Variants in CNTN4 observed in about 807,000 individuals in gnomAD.
The protein encoded by CNTN4 is contactin-4.
A neutral mutation model predicts 122.5 loss-of-function variants in CNTN4; 77 were observed. The ratio of observed to expected loss-of-function variants is 0.63; its 90% CI spans 0.52 to 0.76. The LOEUF is 0.76. CNTN4 is among the 30% of genes least tolerant of loss of function. The pLI is 0.00. For missense variants in CNTN4, 1,256 were observed against 1,259.1 expected, an observed-to-expected ratio of 1.00 and a Z score of 0.04; for synonymous variants, 512 against 447.0, an observed-to-expected ratio of 1.15 and a Z score of -1.83.
intron 23 of CNTN4, among the ~76,000 whole-genome samples, chr3:3,050,244 T>A (rs1269373424): frequency 6.6e-6 from 1 of 152,134 alleles, no homozygotes; most frequent in Non-Finnish European, 1.5e-5. Flanking sequence ...AACCCACAAA[T>A]TTTTAATGTC....
intron 3 of CNTN4, among the ~76,000 whole-genome samples, chr3:2,505,745 A>C (rs1575792646): frequency 6.6e-6 from 1 of 152,218 alleles, no homozygotes; most frequent in Non-Finnish European, 1.5e-5. Flanking sequence ...TATAGATAAA[A>C]GAAGGTAGAA....
chr3:3,052,723 C>T (rs1701385554), intron 23 of CNTN4, among the ~76,000 whole-genome samples: 1 of 152,136 alleles, frequency 6.6e-6, no homozygotes, highest in Non-Finnish European at 1.5e-5. Flanking sequence ...ATGGGGGGCC[C>T]AAGATGAAAA....
chr3:2,635,534 T>C (rs193154549), intron 4 of CNTN4, among the ~76,000 whole-genome samples: 22 of 152,254 alleles, frequency 1.4e-4, no homozygotes, highest in Admixed American at 1.2e-3. Flanking sequence ...AGATCCCAAT[T>C]TTCTGTTCCT....
intron 4 of CNTN4, among the ~76,000 whole-genome samples, chr3:2,713,702 G>A (rs1389825321): frequency 6.6e-6 from 1 of 152,054 alleles, no homozygotes; most frequent in Non-Finnish European, 1.5e-5. Flanking sequence ...TTGGGGTAGC[G>A]TGTCCTGAAC....
chr3:2,161,687 A>G (rs1043792589), intron 2 of CNTN4, among the ~76,000 whole-genome samples: 4 of 152,198 alleles, frequency 2.6e-5, no homozygotes, highest in Non-Finnish European at 5.9e-5. Flanking sequence ...GAGAGGTGAA[A>G]AGAGAACGCT....
intron 2 of CNTN4, among the ~76,000 whole-genome samples, chr3:2,291,500 T>C (rs924201338): frequency 6.6e-6 from 1 of 152,134 alleles, no homozygotes; most frequent in Non-Finnish European, 1.5e-5. Flanking sequence ...GAACTCAAAA[T>C]AAATTTTTAA....
intron 5 of CNTN4, among the ~76,000 whole-genome samples, chr3:2,743,101 A>G (rs1368919399): frequency 6.6e-6 from 1 of 152,158 alleles, no homozygotes; most frequent in Non-Finnish European, 1.5e-5. Flanking sequence ...TTATGCCCAC[A>G]ACCACTTTTC....
intron 13 of CNTN4, among the ~76,000 whole-genome samples, chr3:2,978,389 C>T (rs969554896): frequency 6.6e-6 from 1 of 152,158 alleles, no homozygotes; most frequent in Non-Finnish European, 1.5e-5. Context: ...CTGCAGGGGC[C>T]TGGTAGGAAC....
At chr3:2,448,416 G>A (rs908280582) in intron 3 of CNTN4, among the ~76,000 whole-genome samples, 4 of 152,224 alleles carry the variant, frequency 2.6e-5, no homozygotes, top group East Asian at 1.9e-4. Context: ...ATTCTCGACT[G>A]TTGGAGTGAT....
intron 13 of CNTN4, among the ~76,000 whole-genome samples, chr3:2,953,195 C>T (rs923278007): frequency 6.6e-6 from 1 of 152,142 alleles, no homozygotes; most frequent in Admixed American, 6.5e-5. Flanking sequence ...AACATGTCTC[C>T]ACCGTGTGCC....
intron 2 of CNTN4, among the ~76,000 whole-genome samples, chr3:2,334,625 ATTAT>A (rs2043870872): frequency 1.3e-5 from 2 of 152,170 alleles, no homozygotes; most frequent in Non-Finnish European, 2.9e-5. Context: ...TTGTCCACTG[ATTAT>A]TTAAAGGCAT....
chr3:2,460,026 T>A (rs114345125), intron 3 of CNTN4, among the ~76,000 whole-genome samples: 1,528 of 152,178 alleles, frequency 0.01, 37 homozygotes, highest in African/African-American at 0.035. Flanking sequence ...AGTTGTTACA[T>A]GAGTTGCATC....
At chr3:2,524,504 C>T (rs917148883) in intron 3 of CNTN4, among the ~76,000 whole-genome samples, 5 of 152,002 alleles carry the variant, frequency 3.3e-5, no homozygotes, top group East Asian at 3.9e-4. Flanking sequence ...GAGTCAGAAC[C>T]GAAGATTTTA....
At chr3:2,111,561 A>G (rs1292021714) in intron 2 of CNTN4, among the ~76,000 whole-genome samples, 4 of 152,156 alleles carry the variant, frequency 2.6e-5, no homozygotes, top group African/African-American at 9.7e-5. Context: ...TGTGATGTAT[A>G]GGAAAGGCTG....
At chr3:2,890,681 A>G (rs13061928) in intron 10 of CNTN4, among the ~76,000 whole-genome samples, 20,372 of 152,244 alleles carry the variant, frequency 0.13, 1,668 homozygotes, top group Non-Finnish European at 0.18. Context: ...CAGTGTCTGA[A>G]TAATGGAAGC....
intron 2 of CNTN4, among the ~76,000 whole-genome samples, chr3:2,172,564 A>C (rs1443816454): frequency 6.6e-6 from 1 of 152,220 alleles, no homozygotes; most frequent in Admixed American, 6.5e-5. Context: ...AAAAACAAAA[A>C]AAAGAAAACT....
At chr3:2,880,062 A>T (rs1015912263) in intron 8 of CNTN4, among the ~76,000 whole-genome samples, 2 of 152,172 alleles carry the variant, frequency 1.3e-5, no homozygotes, top group Non-Finnish European at 2.9e-5. Flanking sequence ...ACGCGGAGAT[A>T]ACAGTTCAGG....
chr3:2,350,267 A>G (rs1009885428), intron 3 of CNTN4, among the ~76,000 whole-genome samples: 1 of 152,184 alleles, frequency 6.6e-6, no homozygotes, highest in African/African-American at 2.4e-5. Flanking sequence ...TAATGACAGA[A>G]CCTAAGGTAT....
rs188684577 is a variant in CNTN4, at chr3:2,394,848, G to A, written c.-89+55615G>A. On this transcript the variant is annotated intron_variant, in intron 3 of 24. Coordinates refer to ENST00000418658, the MANE Select transcript of CNTN4 (RefSeq NM_175607.3). ...GTCACCCAGACTGGAGTACAGTGGC[G>A]CAATCTCGACTGACTGCAACCTCTG... is the stretch of plus-strand genomic sequence containing the variant. Among the ~76,000 whole-genome samples the A allele has an allele frequency of 6.6e-4, 95 of 143,382 alleles. No homozygotes were observed. The East Asian group carries it at 0.013, about 20-fold the overall frequency. The allele number at this position is 143,382 out of a possible 152,430, so 94.1% of individuals were successfully genotyped here.
Sources: gnomAD v4.1 joint callset for allele counts (sites outside exome capture counted in the v4.1 genomes callset) on GRCh38, gnomAD v4.1.1 for gene constraint, MANE v1.5 for transcripts, NCBI Gene and HGNC (gene_info 2026-07-23, HGNC 2026-07-21) for gene names.